The following HORMAD2 variants were observed in gnomAD, a reference collection of about 807,000 sequenced individuals.
HORMAD2 encodes the protein HORMA domain-containing protein 2.
HORMAD2 carries 45 observed loss-of-function variants against 38.8 expected under a neutral mutation model. That is an observed-to-expected ratio of 1.16 (90% CI 0.91 to 1.49). The LOEUF is 1.49. Among genes scored for constraint, HORMAD2 ranks in the 40% most tolerant of loss-of-function variants. The probability of loss-of-function intolerance (pLI) is 0.00; values close to 1 mark genes in which losing one functional copy is unlikely to be tolerated. For missense variants in HORMAD2, 338 were observed against 367.0 expected, an observed-to-expected ratio of 0.92 and a Z score of 0.65; for synonymous variants, 126 against 122.8, an observed-to-expected ratio of 1.03 and a Z score of -0.17.
Position 30,176,362 on chromosome 22 carries a change from C to T in HORMAD2, c.*195C>T, listed in dbSNP as rs898118977. The T allele has an allele frequency of 1.9e-5, 10 of 532,064 alleles. No individual in the cohort carries two copies. The highest frequency in any genetic ancestry group is 1.0e-4 in the Admixed American group (3 of 30,018). The allele number at this position is 532,064 out of a possible 1,614,324, so 33.0% of individuals were successfully genotyped here. The stretch of plus-strand genomic sequence containing the variant: ...CGAGTCCACTTTGCCATAAGGAAAG[C>T]GGGTCAATAGGGCTGCCTCTGGATA... On this transcript the variant is annotated 3_prime_UTR_variant, in exon 11 of 11. Transcript: ENST00000336726.
At position 30,148,973 on chromosome 22, in the gene HORMAD2, C is replaced by T. The variant is rs555965183; in HGVS notation, c.819+26759C>T. Among the ~76,000 whole-genome samples the T allele has an allele frequency of 1.1e-4, 17 of 151,360 alleles. No homozygotes were observed. The East Asian group carries it at 1.4e-3, about 12-fold the overall frequency. ...CAGCCTGGGTGACAGAGCGAGACTC[C>T]GTCTCGAAAAAAAAAATTAGACAAA... On this transcript the variant is annotated intron_variant, in intron 10 of 10. Coordinates refer to ENST00000336726, the MANE Select transcript of HORMAD2 (RefSeq NM_152510.4).
At chr22:30,137,266 A>G in intron 10 of HORMAD2, 1 of 557,398 alleles carries the variant, frequency 1.8e-6, no homozygotes, top group Non-Finnish European at 3.4e-6. Flanking sequence ...CACTTCAAAC[A>G]CATGACCCTT....
chr22:30,126,691 A>T (rs895796838), intron 10 of HORMAD2, among the ~76,000 whole-genome samples: 3 of 152,188 alleles, frequency 2.0e-5, no homozygotes, highest in Non-Finnish European at 2.9e-5. Context: ...TTCTGGTGGG[A>T]ATAGAATTAC....
At chr22:30,158,977 G>A (rs371552236) in intron 10 of HORMAD2, among the ~76,000 whole-genome samples, 5 of 152,098 alleles carry the variant, frequency 3.3e-5, no homozygotes, top group South Asian at 2.1e-4. Flanking sequence ...GAGCCACTGC[G>A]CCTGCCCCTG....
At chr22:30,121,486 C>T (rs576061093) in intron 8 of HORMAD2, 146 bp from the exon 9 acceptor site, 14 of 554,492 alleles carry the variant, frequency 2.5e-5, no homozygotes, top group Admixed American at 7.8e-5. Context: ...AAAGTACCAT[C>T]GCTCCCCTAA....
At chr22:30,203,843 G>A in the HORMAD2 span, among the ~76,000 whole-genome samples, 1 of 152,068 alleles carries the variant, frequency 6.6e-6, no homozygotes, top group Admixed American at 6.6e-5. Flanking sequence ...GTATACACAC[G>A]AACCTGCACC....
intron 4 of HORMAD2, 28 bp from the exon 5 acceptor site, chr22:30,104,373 T>A: frequency 6.3e-7 from 1 of 1,599,220 alleles, no homozygotes; most frequent in Non-Finnish European, 8.5e-7. Context: ...TATGGTCCAA[T>A]TGACATCAAA....
At chr22:30,154,713 C>T (rs1924959230) in intron 10 of HORMAD2, among the ~76,000 whole-genome samples, 1 of 152,068 alleles carries the variant, frequency 6.6e-6, no homozygotes, top group Admixed American at 6.6e-5. Flanking sequence ...TTAGAATGTC[C>T]TTCAATTTGC....
chr22:30,128,418 CT>C (rs1166266327), intron 10 of HORMAD2, among the ~76,000 whole-genome samples: 1 of 151,910 alleles, frequency 6.6e-6, no homozygotes, highest in Non-Finnish European at 1.5e-5. Context: ...ATATGTTCCA[CT>C]TTAATCTTTA....
intron 10 of HORMAD2, among the ~76,000 whole-genome samples, chr22:30,165,720 C>T (rs1315110485): frequency 6.6e-6 from 1 of 152,022 alleles, no homozygotes; most frequent in Admixed American, 6.5e-5. Flanking sequence ...TAACTTTTTC[C>T]CATTTTATTG....
chr22:30,157,380 T>C (rs999759648), intron 10 of HORMAD2, among the ~76,000 whole-genome samples: 6 of 152,302 alleles, frequency 3.9e-5, no homozygotes, highest in Middle Eastern at 3.4e-3. Flanking sequence ...CCAGCCTCTT[T>C]ACAGACATTA....
intron 10 of HORMAD2, among the ~76,000 whole-genome samples, chr22:30,125,205 C>CTTTTTTTTTTTTT (rs1569099710): frequency 1.4e-5 from 1 of 69,470 alleles, no homozygotes; most frequent in African/African-American, 5.9e-5. Flanking sequence ...TTTTCACTTT[C>CTTTTTTTTTTTTT]TTTTTCTTTT....
At chr22:30,204,939 G>A in the HORMAD2 span, among the ~76,000 whole-genome samples, 6 of 152,294 alleles carry the variant, frequency 3.9e-5, no homozygotes, top group Non-Finnish European at 2.9e-5. Flanking sequence ...AGCAGACGCC[G>A]TGGGACTTTT....
At chr22:30,129,677 AT>A (rs1020433469) in intron 10 of HORMAD2, among the ~76,000 whole-genome samples, 72 of 146,218 alleles carry the variant, frequency 4.9e-4, no homozygotes, top group South Asian at 1.1e-3. Context: ...TAAGTTGGTG[AT>A]TTTTTTTTTT....
chr22:30,150,850 A>G (rs1006325144), intron 10 of HORMAD2, among the ~76,000 whole-genome samples: 1 of 152,166 alleles, frequency 6.6e-6, no homozygotes, highest in Non-Finnish European at 1.5e-5. Context: ...CCTCAACTGC[A>G]CTTTGTATTC....
At chr22:30,126,098 C>T (rs532290156) in intron 10 of HORMAD2, among the ~76,000 whole-genome samples, 1 of 152,282 alleles carries the variant, frequency 6.6e-6, no homozygotes, top group African/African-American at 2.4e-5. Context: ...AAGAATATTG[C>T]TATCCTGACT....
chr22:30,124,696 G>A (rs897527888), intron 10 of HORMAD2, among the ~76,000 whole-genome samples: 5 of 152,164 alleles, frequency 3.3e-5, no homozygotes, highest in African/African-American at 1.2e-4. Flanking sequence ...TTTCACTGCT[G>A]TAGAGTTTTC....
chr22:30,113,165 C>G (rs967608402), intron 7 of HORMAD2, among the ~76,000 whole-genome samples: 3 of 152,092 alleles, frequency 2.0e-5, no homozygotes, highest in Non-Finnish European at 2.9e-5. Context: ...CTTTTTCCAG[C>G]AGAACCCCAC....
In HORMAD2 at chr22:30,137,859, G is replaced by A. The variant is rs555073984; in HGVS notation, c.819+15645G>A. On this transcript the variant is annotated intron_variant, in intron 10 of 10. Transcript: ENST00000336726. The stretch of plus-strand genomic sequence containing the variant: ...GTTCTTTCAACCTTTTGGCTATTGT[G>A]AATAATGCTGCTATAAACATTTGTA... Among the ~76,000 whole-genome samples, 56 of 152,292 alleles carry A rather than the reference G, an allele frequency of 3.7e-4. No homozygotes were observed. The South Asian group carries it at 0.011, about 30-fold the overall frequency.
Sources: allele counts gnomAD v4.1 joint callset (sites outside exome capture counted in the v4.1 genomes callset), GRCh38; gene constraint gnomAD v4.1.1; transcripts MANE v1.5; gene names NCBI Gene and HGNC (gene_info 2026-07-23, HGNC 2026-07-21).